The following RCBTB1 variants were observed in gnomAD, a reference collection of about 807,000 sequenced individuals.
RCBTB1 encodes RCC1 and BTB domain-containing protein 1.
Under a neutral mutation model 62.4 loss-of-function variants are expected in RCBTB1, and 46 were observed. The observed-to-expected ratio is 0.74, with a 90% CI of 0.58 to 0.94. RCBTB1 has a LOEUF of 0.94. Among genes scored for constraint, RCBTB1 ranks in the 40% least tolerant of loss-of-function variants. The pLI is 0.00. For synonymous variants in RCBTB1, 222 were observed against 245.8 expected, an observed-to-expected ratio of 0.90 and a Z score of 0.91; for missense variants, 565 against 654.9, an observed-to-expected ratio of 0.86 and a Z score of 1.50.
intron 12 of RCBTB1, among the ~76,000 whole-genome samples, chr13:49,539,848 A>G (rs893973496): frequency 6.6e-6 from 1 of 152,210 alleles, no homozygotes; most frequent in African/African-American, 2.4e-5. Context: ...TCAAACAAAA[A>G]TAAGATACAT....
chr13:49,582,006 G>A (rs1157083563), intron 1 of RCBTB1, among the ~76,000 whole-genome samples: 1 of 152,246 alleles, frequency 6.6e-6, no homozygotes, highest in Non-Finnish European at 1.5e-5. Context: ...ATGAGAAATC[G>A]CATAGTAATC....
intron 12 of RCBTB1, among the ~76,000 whole-genome samples, chr13:49,537,171 A>ATGACACAAGACACATTCCAGG (rs1960005713): frequency 6.6e-6 from 1 of 152,176 alleles, no homozygotes; most frequent in Non-Finnish European, 1.5e-5. Flanking sequence ...CACATTCCAG[A>ATGACACAAGACACATTCCAGG]TGACACAAGA....
chr13:49,563,646 G>C (rs184521233), intron 4 of RCBTB1, among the ~76,000 whole-genome samples: 1 of 147,582 alleles, frequency 6.8e-6, no homozygotes, highest in Non-Finnish European at 1.5e-5. Flanking sequence ...GCGATAGAGC[G>C]AGACTGTCTC....
rs1961785501 is a variant in RCBTB1, at chr13:49,555,590, G to A, written c.528C>T (p.Asn176=). The change falls in exon 6 of 13, where the codon AAC becomes AAT. Residue 176 remains asparagine, a synonymous_variant. Transcript: ENST00000378302. ...ANQPTPRKVT[N]CLHIKRVVGI... ...CAACTACCCTCTTAATATGTAAACA[G>A]TTTGTAACTTTTCGAGGAGTTGGTT... 1 of 1,613,262 alleles carries A rather than the reference G, an allele frequency of 6.2e-7. No individual in the cohort carries two copies. Among genetic ancestry groups the A allele is most frequent in the Non-Finnish European group, 8.5e-7 (1 of 1,179,534 alleles).
rs187795527 is a variant in RCBTB1, at chr13:49,540,763, C to A, written c.1455+113G>T. On this transcript the variant is annotated intron_variant, in intron 12 of 12. Coordinates refer to ENST00000378302, the MANE Select transcript of RCBTB1 (RefSeq NM_018191.4). Reference sequence around the variant, plus strand: ...TCAGTTTTCAATGGGTTCACTGATTCCCTAAACAGAAGTGGAGTGACTCAT... The same window carrying A: ...TCAGTTTTCAATGGGTTCACTGATTACCTAAACAGAAGTGGAGTGACTCAT... 7.2e-5 allele frequency: 82 copies of A among 1,143,952 alleles called. No homozygotes were observed. The East Asian group carries it at 2.1e-3, about 29-fold the overall frequency. 70.9% of individuals were successfully genotyped at this position (1,143,952 alleles called of 1,614,324 possible).
chr13:49,556,259 C>T (rs574807861), intron 5 of RCBTB1, among the ~76,000 whole-genome samples: 20 of 146,652 alleles, frequency 1.4e-4, no homozygotes, highest in African/African-American at 4.6e-4. Flanking sequence ...TGCAGTGGTG[C>T]GATCTCAGCT....
At position 49,566,783 on chromosome 13, in the gene RCBTB1, GTT is replaced by G; in HGVS notation, c.127-17_127-16del. On this transcript the variant is annotated splice_polypyrimidine_tract_variant and intron_variant, in intron 3 of 12. Transcript: ENST00000378302. ...AATACAAAGACCTAGAAAATAGATA[GTT>G]TTTTTTCTGAGTCTTTTGACCGAAA... 6.3e-7 allele frequency: 1 copy of G among 1,587,074 alleles called. No homozygotes were observed. The highest frequency in any genetic ancestry group is 1.2e-5 in the South Asian group (1 of 85,734).
At chr13:49,570,978 TAA>T (rs1963357544) in intron 2 of RCBTB1, among the ~76,000 whole-genome samples, 3 of 152,216 alleles carry the variant, frequency 2.0e-5, no homozygotes, top group African/African-American at 7.2e-5. Context: ...GTGAACTTCC[TAA>T]AGTCACTTCT....
chr13:49,564,608 A>AAAAAAAAAAAAAAAAAAAC (rs1962761858), intron 4 of RCBTB1, among the ~76,000 whole-genome samples: 1 of 123,820 alleles, frequency 8.1e-6, no homozygotes, highest in African/African-American at 3.2e-5. Context: ...AAAAAAAAAA[A>AAAAAAAAAAAAAAAAAAAC]ATGCCGGGCG....
At chr13:49,537,836 G>A (rs891236646) in intron 12 of RCBTB1, 1 of 152,112 alleles carries the variant, frequency 6.6e-6, no homozygotes, top group Non-Finnish European at 1.5e-5. Flanking sequence ...TTCATAACAC[G>A]TTCATAGCAA....
At chr13:49,542,836 T>C (rs1026008959) in intron 10 of RCBTB1, among the ~76,000 whole-genome samples, 24 of 152,204 alleles carry the variant, frequency 1.6e-4, no homozygotes, top group African/African-American at 5.5e-4. Flanking sequence ...CTACACTGTA[T>C]TTACATGTAC....
rs1013691634 is a variant in RCBTB1 at position 49,532,679 on chromosome 13, T to C, written c.*1443A>G. On this transcript the variant is annotated 3_prime_UTR_variant, in exon 13 of 13. Coordinates refer to ENST00000378302, the MANE Select transcript of RCBTB1 (RefSeq NM_018191.4). The stretch of plus-strand genomic sequence containing the variant: ...GGCCTCACTCCCCTTCCCACCCCAA[T>C]AGACACAAATTTAAAAACATTGCTA... 8 of 152,064 alleles carry C rather than the reference T, an allele frequency of 5.3e-5. No individual in the cohort carries two copies. Among genetic ancestry groups the C allele is most frequent in the African/African-American group, 9.7e-5 (4 of 41,428 alleles). 9.4% of individuals were successfully genotyped at this position (152,064 alleles called of 1,614,324 possible).
chr13:49,567,026 CAT>C, intron 3 of RCBTB1, 126 bp downstream of exon 3: 1 of 866,960 alleles, frequency 1.2e-6, no homozygotes, highest in Non-Finnish European at 1.8e-6. Context: ...CTATCAAAGC[CAT>C]AGTCTTCCTG....
intron 11 of RCBTB1, 113 bp downstream of exon 11, chr13:49,541,563 T>A: frequency 2.0e-6 from 2 of 980,502 alleles, no homozygotes; most frequent in Non-Finnish European, 2.9e-6. Flanking sequence ...AAATCTTTTT[T>A]AAGCACCAAA....
At position 49,549,546 on chromosome 13, in the gene RCBTB1, G is replaced by A; in HGVS notation, c.957C>T (p.Ile319=). The A allele has an allele frequency of 1.9e-6, 3 of 1,614,120 alleles. No homozygotes were observed. Among genetic ancestry groups the A allele is most frequent in the Non-Finnish European group, 2.5e-6 (3 of 1,180,008 alleles). The part of the protein sequence containing the change: ...MWGQCRGQSV[I]LPHLTHFSCT... ...AGGAGAAGTGGGTGAGGTGCGGGAG[G>A]ATCACGGACTGACCCCGGCACTGGC... Residue 319 remains isoleucine (I), a synonymous_variant, in exon 9 of 13, where the codon ATC becomes ATT. Coordinates refer to ENST00000378302, the MANE Select transcript of RCBTB1 (RefSeq NM_018191.4).
At chr13:49,579,020 G>A (rs1295137672) in intron 2 of RCBTB1, among the ~76,000 whole-genome samples, 1 of 152,070 alleles carries the variant, frequency 6.6e-6, no homozygotes, top group African/African-American at 2.4e-5. Context: ...CCCTCTCAAG[G>A]TACAAACAGC....
At chr13:49,548,762 A>G (rs1274702006) in intron 9 of RCBTB1, among the ~76,000 whole-genome samples, 1 of 151,834 alleles carries the variant, frequency 6.6e-6, no homozygotes, top group East Asian at 1.9e-4. Flanking sequence ...CCATAGAAAC[A>G]AAAAGCAAAC....
At chr13:49,568,693 G>C (rs1290914613) in intron 2 of RCBTB1, among the ~76,000 whole-genome samples, 1 of 152,070 alleles carries the variant, frequency 6.6e-6, no homozygotes, top group South Asian at 2.1e-4. Context: ...CACTTTGGGA[G>C]GCCAAGGTGG....
chr13:49,568,927 C>T (rs1963212925), intron 2 of RCBTB1, among the ~76,000 whole-genome samples: 1 of 151,794 alleles, frequency 6.6e-6, no homozygotes, highest in East Asian at 1.9e-4. Flanking sequence ...GACTCTGTCT[C>T]GAAAATAAAA....
Sources: gnomAD v4.1 joint callset for allele counts (sites outside exome capture counted in the v4.1 genomes callset) on GRCh38, gnomAD v4.1.1 for gene constraint, MANE v1.5 for transcripts, NCBI Gene and HGNC (gene_info 2026-07-23, HGNC 2026-07-21) for gene names.